EIF4G3: variants seen among roughly 807,000 people sequenced by gnomAD.
EIF4G3 encodes the protein eukaryotic translation initiation factor 4 gamma 3.
A neutral mutation model predicts 186.4 loss-of-function variants in EIF4G3; 34 were observed. That is an observed-to-expected ratio of 0.18 (90% confidence interval 0.14 to 0.24). The LOEUF is 0.24. Ranked by LOEUF, EIF4G3 falls within the 10% of genes least tolerant of loss-of-function variation. EIF4G3 has a pLI of 1.00. For missense variants in EIF4G3, 1,536 were observed against 1,948.5 expected (o/e 0.79, Z 3.99); for synonymous variants, 673 against 679.5 (o/e 0.99, Z 0.15).
chr1:21,061,434 T>C (rs1343697832), intron 3 of EIF4G3, among the ~76,000 whole-genome samples: 1 of 152,160 alleles, frequency 6.6e-6, no homozygotes, highest in East Asian at 1.9e-4. Flanking sequence ...TAGTTTTAGA[T>C]GCCTATCAGA....
intron 15 of EIF4G3, among the ~76,000 whole-genome samples, chr1:20,902,790 G>A (rs1325858741): frequency 2.6e-5 from 4 of 152,072 alleles, no homozygotes; most frequent in Admixed American, 2.0e-4. Context: ...ATAGGCGCGC[G>A]CCACCACGGC....
At chr1:21,163,794 C>T (rs1215712659) in intron 2 of EIF4G3, among the ~76,000 whole-genome samples, 1 of 152,040 alleles carries the variant, frequency 6.6e-6, no homozygotes. Context: ...TTTTTTGAGA[C>T]AGGGTCTGGC....
intron 4 of EIF4G3, among the ~76,000 whole-genome samples, chr1:21,040,103 T>C (rs1226119017): frequency 6.6e-6 from 1 of 152,220 alleles, no homozygotes. Flanking sequence ...TATGCTAATG[T>C]TGACTGACAG....
At chr1:21,084,180 T>C (rs1240541982) in intron 3 of EIF4G3, among the ~76,000 whole-genome samples, 1 of 151,212 alleles carries the variant, frequency 6.6e-6, no homozygotes, top group African/African-American at 2.4e-5. Context: ...GTAATGTCCA[T>C]GTATTAGTCC....
intron 3 of EIF4G3, among the ~76,000 whole-genome samples, chr1:21,079,134 A>AT (rs1198030664): frequency 6.6e-6 from 1 of 152,226 alleles, no homozygotes. Context: ...GTGCTAGATG[A>AT]TAGGACAATC....
intron 2 of EIF4G3, among the ~76,000 whole-genome samples, chr1:21,101,592 A>AAAAAAAAAAAAAAAAAAGGGG (rs2096527869): frequency 1.4e-5 from 1 of 71,954 alleles, no homozygotes. Flanking sequence ...AAAAAAACCG[A>AAAAAAAAAAAAAAAAAAGGGG]GGGAGGGAGG....
chr1:20,814,202 G>A (rs1370348970), intron 34 of EIF4G3, among the ~76,000 whole-genome samples: 2 of 151,900 alleles, frequency 1.3e-5, no homozygotes, highest in South Asian at 2.1e-4. Context: ...CTCTGACCTC[G>A]TGATCTGCCT....
chr1:20,924,635 G>A (rs955266253), intron 14 of EIF4G3, among the ~76,000 whole-genome samples: 2 of 152,112 alleles, frequency 1.3e-5, no homozygotes, highest in Non-Finnish European at 2.9e-5. Flanking sequence ...GCACGATGTC[G>A]GCTTACTGCC....
chr1:20,968,975 G>A (rs778424389), intron 12 of EIF4G3, among the ~76,000 whole-genome samples: 15 of 152,128 alleles, frequency 9.9e-5, no homozygotes, highest in Non-Finnish European at 2.2e-4. Context: ...CACTCAAGAA[G>A]CTCATTTATG....
At chr1:20,992,833 C>T (rs1473525583) in intron 7 of EIF4G3, among the ~76,000 whole-genome samples, 1 of 152,066 alleles carries the variant, frequency 6.6e-6, no homozygotes, top group African/African-American at 2.4e-5. Context: ...TAACTTTAAA[C>T]CAGAACTACA....
At chr1:20,813,558 G>C (rs1388644625) in intron 34 of EIF4G3, among the ~76,000 whole-genome samples, 1 of 150,002 alleles carries the variant, frequency 6.7e-6, no homozygotes, top group Non-Finnish European at 1.5e-5. Context: ...GACAGAGCGA[G>C]ACCTTGTCTT....
chr1:21,035,288 G>A (rs543198658), intron 4 of EIF4G3, among the ~76,000 whole-genome samples: 6 of 152,344 alleles, frequency 3.9e-5, no homozygotes, highest in African/African-American at 1.4e-4. Flanking sequence ...ACACAGAGAA[G>A]GAGCACAGCT....
At chr1:20,874,429 T>A (rs1227890830) in intron 20 of EIF4G3, among the ~76,000 whole-genome samples, 30 of 152,200 alleles carry the variant, frequency 2.0e-4, no homozygotes, top group Admixed American at 2.0e-3. Context: ...ATCAGTGATG[T>A]TGAACTTTTT....
intron 2 of EIF4G3, among the ~76,000 whole-genome samples, chr1:21,103,130 T>C (rs6666374): frequency 1.3e-5 from 2 of 152,202 alleles, no homozygotes; most frequent in Non-Finnish European, 2.9e-5. Flanking sequence ...AATATAAGCA[T>C]TGGTGTGATT....
intron 2 of EIF4G3, among the ~76,000 whole-genome samples, chr1:21,139,595 A>C (rs1046595868): frequency 2.0e-5 from 3 of 152,244 alleles, no homozygotes; most frequent in Non-Finnish European, 2.9e-5. Context: ...TATATGCAAG[A>C]CCTAAATGAA....
chr1:20,980,232 T>C, intron 10 of EIF4G3, 102 bp downstream of exon 10: 1 of 766,444 alleles, frequency 1.3e-6, no homozygotes, highest in Non-Finnish European at 2.0e-6. Context: ...TATTTAAAAA[T>C]CCTTCTTACC....
intron 3 of EIF4G3, among the ~76,000 whole-genome samples, chr1:21,052,145 C>G (rs138354559): frequency 6.6e-6 from 1 of 152,188 alleles, no homozygotes; most frequent in East Asian, 1.9e-4. Flanking sequence ...TTTTACGTAA[C>G]CAAAAATTTC....
rs182438740 is a variant in EIF4G3 at position 20,970,654 on chromosome 1, C to T, written c.592-1058G>A. On this transcript the variant is annotated intron_variant, in intron 11 of 36. Transcript: ENST00000602326. ...TACGTCCTTACAATTAAATACTTAACAGCCAGTAAAAAGAGTGAGGCAGAT... is the reference window on the plus strand; with the variant it reads ...TACGTCCTTACAATTAAATACTTAATAGCCAGTAAAAAGAGTGAGGCAGAT... 1.9e-4 allele frequency among the ~76,000 whole-genome samples: 29 copies of T among 150,830 alleles called. 1 individual carries two copies. In the East Asian group the frequency reaches 5.8e-3, roughly 30 times the overall value.
In EIF4G3 at chr1:20,950,044, G is replaced by C. The variant is rs774079318; in HGVS notation, c.782C>G (p.Ala261Gly). 14 of 1,613,444 alleles carry C rather than the reference G, an allele frequency of 8.7e-6. No homozygotes were observed. The highest frequency in any genetic ancestry group is 1.0e-5 in the Non-Finnish European group (12 of 1,179,716). Residue 261 changes from alanine to glycine, a missense_variant, in exon 13 of 37, where the codon GCT (alanine) becomes GGT (glycine). By Grantham distance (60) the Ala-to-Gly change is moderately conservative (BLOSUM62 0). Coordinates refer to ENST00000602326, the MANE Select transcript of EIF4G3 (RefSeq NM_001391906.1). ...AGCTGCAGTGACAGGGGTGCTGGCA[G>C]CAAGATGAGCGCTCTCCACAGTCCC... ...VYGTVESAHL[A>G]ASTPVTAASD...
Sources: allele counts gnomAD v4.1 joint callset (sites outside exome capture counted in the v4.1 genomes callset), GRCh38; gene constraint gnomAD v4.1.1; transcripts MANE v1.5; gene names NCBI Gene and HGNC (gene_info 2026-07-23, HGNC 2026-07-21).